Variants in CCN1 observed in about 807,000 individuals in gnomAD.
CCN1 encodes the protein cellular communication network factor 1, also known as CCN family member 1.
Under a neutral mutation model 38.1 loss-of-function variants are expected in CCN1, and 12 were observed. The observed-to-expected ratio is 0.31, with a 90% CI of 0.20 to 0.51. CCN1 has a LOEUF of 0.51. CCN1 is among the 20% of genes least tolerant of loss of function. CCN1 has a pLI of 0.97. For synonymous variants in CCN1, 202 were observed against 196.1 expected (o/e 1.03, Z -0.25); for missense variants, 466 against 490.9 (o/e 0.95, Z 0.48).
intron 3 of CCN1, 40 bp from the exon 4 acceptor site, chr1:85,582,376 G>A (rs754116861): frequency 1.5e-5 from 25 of 1,613,212 alleles, no homozygotes; most frequent in Non-Finnish European, 2.0e-5. Context: ...TGTTTGTGTC[G>A]GTATGCCTCT....
chr1:85,582,261 G>T lies in CCN1; in HGVS notation c.611G>T (p.Gly204Val). The change falls in exon 3 of 5, where the codon GGC (glycine) becomes GTC (valine). Residue 204 changes from glycine to valine, a missense_variant. By Grantham distance (109) the Gly-to-Val change is moderately radical. Coordinates refer to ENST00000451137, the MANE Select transcript of CCN1 (RefSeq NM_001554.5). ...RNNELIAVGK[G>V]SSLKRLPVFG... Reference sequence around the variant, plus strand: ...AATGAATTGATTGCAGTTGGAAAAGGCAGCTCACTGAAGCGGCTCCCTGGT... The same window carrying T: ...AATGAATTGATTGCAGTTGGAAAAGTCAGCTCACTGAAGCGGCTCCCTGGT... 6.2e-7 allele frequency: 1 copy of T among 1,614,198 alleles called. No individual in the cohort carries two copies. The highest frequency in any genetic ancestry group is 2.2e-5 in the East Asian group (1 of 44,894).
Position 85,582,761 on chromosome 1 carries a change from A to G in CCN1, c.865A>G (p.Thr289Ala), listed in dbSNP as rs1480829715. ...SLKKGKKCSK[T>A]KKSPEPVRFT... ...ACAGAAGGGCAAGAAATGCAGCAAGACCAAGAAATCCCCCGAACCAGTCAG... is the reference window on the plus strand; with the variant it reads ...ACAGAAGGGCAAGAAATGCAGCAAGGCCAAGAAATCCCCCGAACCAGTCAG... The change falls in exon 5 of 5, where the codon ACC (threonine) becomes GCC (alanine). Residue 289 changes from threonine (T) to alanine (A), a missense_variant. Physicochemically the swap from Thr to Ala is moderately conservative, Grantham distance 58 (BLOSUM62 0). Around this residue, in one of 3 missense-constraint regions of CCN1, gnomAD observed 309 missense variants for 319.9 expected, o/e 0.97. Transcript: ENST00000451137. 2 of 1,613,906 alleles carry G rather than the reference A, an allele frequency of 1.2e-6. No homozygotes were observed. The highest frequency in any genetic ancestry group is 2.2e-5 in the South Asian group (2 of 91,086).
Position 85,582,557 on chromosome 1 carries a change from G to C in CCN1, c.776G>C (p.Arg259Pro). The C allele has an allele frequency of 6.2e-7, 1 of 1,614,108 alleles. No homozygotes were observed. Among genetic ancestry groups the C allele is most frequent in the African/African-American group, 1.3e-5 (1 of 75,006 alleles). Residue 259 changes from arginine (R) to proline (P), a missense_variant, in exon 4 of 5, where the codon CGC becomes CCC. Arg to Pro is a moderately radical substitution (Grantham distance 103, BLOSUM62 -2). Coordinates refer to ENST00000451137, the MANE Select transcript of CCN1 (RefSeq NM_001554.5). ...TRVTNDNPEC[R>P]LVKETRICEV... ...GTTACCAATGACAACCCTGAGTGCC[G>C]CCTTGTGAAAGAAACCCGGATTTGT...
intron 3 of CCN1, 56 bp from the exon 4 acceptor site, chr1:85,582,360 T>G (rs537438333): frequency 1.2e-6 from 2 of 1,613,292 alleles, no homozygotes; most frequent in African/African-American, 2.7e-5. Flanking sequence ...AATGAGTGCT[T>G]GAGCCTGTTT....
chr1:85,581,308 G>A, intron 1 of CCN1, 57 bp from the exon 2 acceptor site: 2 of 1,485,184 alleles, frequency 1.3e-6, no homozygotes, highest in East Asian at 2.5e-5. Context: ...TGCGGCAGCC[G>A]CGGCGCCCCT....
chr1:85,582,881 A>T lies in CCN1; in HGVS notation c.985A>T (p.Arg329Trp). The change falls in exon 5 of 5, where the codon AGG (arginine) becomes TGG (tryptophan). Residue 329 changes from arginine to tryptophan, a missense_variant. Around this residue, in one of 3 missense-constraint regions of CCN1, gnomAD observed 309 missense variants for 319.9 expected, o/e 0.97. Coordinates refer to ENST00000451137, the MANE Select transcript of CCN1 (RefSeq NM_001554.5). The part of the protein sequence containing the change: ...DGRCCTPQLT[R>W]TVKMRFRCED... ...CCGATGCTGCACGCCCCAGCTGACC[A>T]GGACTGTGAAGATGCGGTTCCGCTG... is the stretch of plus-strand genomic sequence containing the variant. The T allele has an allele frequency of 6.2e-7, 1 of 1,614,218 alleles. No homozygotes were observed. Among genetic ancestry groups the T allele is most frequent in the Middle Eastern group, 1.6e-4 (1 of 6,062 alleles).
chr1:85,581,144 C>A, intron 1 of CCN1, 97 bp downstream of exon 1: 1 of 1,423,986 alleles, frequency 7.0e-7, no homozygotes, highest in South Asian at 1.4e-5. Flanking sequence ...TTAAAAAGTT[C>A]GCGATCGTTT....
In CCN1 at chr1:85,582,125, G is replaced by C. The variant is rs758844360; in HGVS notation, c.475G>C (p.Glu159Gln). The change falls in exon 3 of 5, where the codon GAG becomes CAG. Residue 159 changes from glutamate to glutamine, a missense_variant. Transcript: ENST00000451137. ...GGTCAAAGTTACCGGGCAGTGCTGC[G>C]AGGAGTGGGTCTGTGACGAGGATAG... ...RLVKVTGQCC[E>Q]EWVCDEDSIK... The C allele has an allele frequency of 6.2e-7, 1 of 1,614,212 alleles. No homozygotes were observed. Among genetic ancestry groups the C allele is most frequent in the East Asian group, 2.2e-5 (1 of 44,880 alleles).
At chr1:85,581,200 G>C (rs1030056823) in intron 1 of CCN1, 153 bp downstream of exon 1, 7 of 1,169,120 alleles carry the variant, frequency 6.0e-6, no homozygotes, top group Non-Finnish European at 1.2e-6. Context: ...CCCCGAAGAC[G>C]TGTCGGGACC....
rs756345585 is a variant in CCN1, at chr1:85,582,271, G to A, written c.621G>A (p.Leu207=). Residue 207 remains leucine, a synonymous_variant, in exon 3 of 5, where the codon CTG becomes CTA. Coordinates refer to ENST00000451137, the MANE Select transcript of CCN1 (RefSeq NM_001554.5). The part of the protein sequence containing the change: ...ELIAVGKGSS[L]KRLPVFGMEP... Reference sequence around the variant, plus strand: ...TTGCAGTTGGAAAAGGCAGCTCACTGAAGCGGCTCCCTGGTAAGTGGAGAC... The same window carrying A: ...TTGCAGTTGGAAAAGGCAGCTCACTAAAGCGGCTCCCTGGTAAGTGGAGAC... 1.2e-6 allele frequency: 2 copies of A among 1,614,114 alleles called. No individual in the cohort carries two copies. The highest frequency in any genetic ancestry group is 1.7e-6 in the Non-Finnish European group (2 of 1,180,048).
chr1:85,581,805 G>A (rs773278147), intron 2 of CCN1, 123 bp from the exon 3 acceptor site: 1 of 1,182,288 alleles, frequency 8.5e-7, no homozygotes, highest in African/African-American at 1.5e-5. Flanking sequence ...GAGTCTCCGG[G>A]GAATTGTAGG....
chr1:85,581,599 C>T (rs749823611), intron 2 of CCN1, 21 bp downstream of exon 2: 1 of 1,603,000 alleles, frequency 6.2e-7, no homozygotes, highest in South Asian at 1.1e-5. Context: ...TGTGGTTTGG[C>T]CCCTTTAAAA....
rs1342550144 is a variant in CCN1, at chr1:85,582,967, C to CA, written c.1073dup (p.Asn358LysfsTer7). On this transcript the variant is annotated frameshift_variant, in exon 5 of 5. Transcript: ENST00000451137. LOFTEE classifies it high-confidence loss of function. ...TGATCCAGTCCTGCAAATGCAACTA[C>CA]AACTGCCCGCATGCCAATGAAGCAG... The CA allele has an allele frequency of 6.8e-6, 11 of 1,614,096 alleles. No homozygotes were observed. The highest frequency in any genetic ancestry group is 9.3e-6 in the Non-Finnish European group (11 of 1,180,036).
rs1172980287 is a variant in CCN1, at chr1:85,580,791, G to T, written c.-194G>T. The T allele has an allele frequency of 4.7e-6, 2 of 422,792 alleles. No individual in the cohort carries two copies. The highest frequency in any genetic ancestry group is 8.0e-6 in the Non-Finnish European group (2 of 251,448). 26.2% of individuals were successfully genotyped at this position (422,792 alleles called of 1,614,324 possible). A position where few individuals can be genotyped will look rare whatever the true frequency, so the allele number is the denominator to read the frequency against. The stretch of plus-strand genomic sequence containing the variant: ...GCGAGCGAGAGCGCCCCCGAGCAGC[G>T]CCCGCGCCCTCCGCGCCTTCTCCGC... On this transcript the variant is annotated 5_prime_UTR_variant, in exon 1 of 5. Coordinates refer to ENST00000451137, the MANE Select transcript of CCN1 (RefSeq NM_001554.5).
Position 85,582,161 on chromosome 1 carries a change from C to T in CCN1, c.511C>T (p.Pro171Ser). Residue 171 changes from proline (P) to serine (S), a missense_variant, in exon 3 of 5, where the codon CCC becomes TCC. Around this residue, in one of 3 missense-constraint regions of CCN1, gnomAD observed 309 missense variants for 319.9 expected, o/e 0.97. Transcript: ENST00000451137. ...WVCDEDSIKDPMEDQDGLLGK... is the reference protein window; with the variant it reads ...WVCDEDSIKDSMEDQDGLLGK... ...CTGTGACGAGGATAGTATCAAGGAC[C>T]CCATGGAGGACCAGGACGGCCTCCT... The T allele has an allele frequency of 6.2e-7, 1 of 1,614,050 alleles. No homozygotes were observed. Among genetic ancestry groups the T allele is most frequent in the Non-Finnish European group, 8.5e-7 (1 of 1,180,018 alleles).
Position 85,580,911 on chromosome 1 carries a change from G to A in CCN1, c.-74G>A, listed in dbSNP as rs561065476. 1.4e-6 allele frequency: 2 copies of A among 1,383,778 alleles called. No individual in the cohort carries two copies. Among genetic ancestry groups the A allele is most frequent in the South Asian group, 1.6e-5 (1 of 61,562 alleles). 85.7% of individuals were successfully genotyped at this position (1,383,778 alleles called of 1,614,324 possible). ...CCGCCACCCCGACCCCGCTGCGCAC[G>A]GCCTGTCCGCTGCACACCAGCTTGT... On this transcript the variant is annotated 5_prime_UTR_variant, in exon 1 of 5. Coordinates refer to ENST00000451137, the MANE Select transcript of CCN1 (RefSeq NM_001554.5).
chr1:85,581,765 G>C, intron 2 of CCN1, 163 bp from the exon 3 acceptor site: 1 of 1,082,314 alleles, frequency 9.2e-7, no homozygotes, highest in Non-Finnish European at 1.4e-6. Context: ...ACGGAAAAGT[G>C]ATTCCTGACT....
rs775710634 is a variant in CCN1 at position 85,582,589 on chromosome 1, C to T, written c.808C>T (p.Arg270Trp). 3 of 1,614,152 alleles carry T rather than the reference C, an allele frequency of 1.9e-6. No individual in the cohort carries two copies. The highest frequency in any genetic ancestry group is 4.5e-5 in the East Asian group (2 of 44,872). ...GAAAGAAACCCGGATTTGTGAGGTG[C>T]GGCCTTGTGGACAGCCAGTGTACAG... ...LVKETRICEV[R>W]PCGQPVYSSL... The change falls in exon 4 of 5, where the codon CGG (arginine) becomes TGG (tryptophan). Residue 270 changes from arginine (R) to tryptophan (W), a missense_variant. This residue lies in a region of CCN1 where 309 missense variants were observed against 319.9 expected (regional missense o/e 0.97). Transcript: ENST00000451137.
rs1226285568 is a variant in CCN1, at chr1:85,583,698, T to G, written c.*656T>G. The G allele has an allele frequency of 6.5e-6, 1 of 152,804 alleles. No homozygotes were observed. Among genetic ancestry groups the G allele is most frequent in the East Asian group, 1.9e-4 (1 of 5,210 alleles). The allele number at this position is 152,804 out of a possible 1,614,324, so 9.5% of individuals were successfully genotyped here. ...AATTAACCATTTAATAAAGAAATAT[T>G]TACCTAATATCTGAGTGTATGCCAT... On this transcript the variant is annotated 3_prime_UTR_variant, in exon 5 of 5. Coordinates refer to ENST00000451137, the MANE Select transcript of CCN1 (RefSeq NM_001554.5).
Sources: allele counts gnomAD v4.1 joint callset, GRCh38; gene constraint gnomAD v4.1.1; regional missense constraint gnomAD v4.1.1; transcripts MANE v1.5; gene names NCBI Gene and HGNC (gene_info 2026-07-23, HGNC 2026-07-21).